Variants in NR6A1 observed in about 807,000 individuals in gnomAD.
The protein encoded by NR6A1 is retinoic acid receptor-related testis-associated receptor.
NR6A1 carries 7 observed loss-of-function variants against 59.1 expected under a neutral mutation model. The observed-to-expected ratio is 0.12, with a 90% CI of 0.07 to 0.22. The LOEUF (loss-of-function observed/expected upper bound fraction) is 0.22. Ranked by LOEUF, NR6A1 falls within the 10% of genes least tolerant of loss-of-function variation. The probability of loss-of-function intolerance (pLI) is 1.00; values close to 1 mark genes in which losing one functional copy is unlikely to be tolerated. For missense variants in NR6A1, 468 were observed against 611.6 expected, an observed-to-expected ratio of 0.77 and a Z score of 2.48; for synonymous variants, 243 against 236.1, an observed-to-expected ratio of 1.03 and a Z score of -0.27.
At chr9:124,648,636 T>C (rs1275353078) in intron 2 of NR6A1, among the ~76,000 whole-genome samples, 1 of 151,762 alleles carries the variant, frequency 6.6e-6, no homozygotes. Context: ...GCAGCCAAAC[T>C]GTAAAAGAAG....
chr9:124,520,658 A>G lies in NR6A1; in HGVS notation c.*2047T>C, dbSNP rs1442494701. The G allele has an allele frequency of 1.3e-5, 2 of 152,260 alleles. No homozygotes were observed. The highest frequency in any genetic ancestry group is 2.9e-5 in the Non-Finnish European group (2 of 68,046). The allele number at this position is 152,260 out of a possible 1,614,324, so 9.4% of individuals were successfully genotyped here. A position where few individuals can be genotyped will look rare whatever the true frequency, so the allele number is the denominator to read the frequency against. On this transcript the variant is annotated 3_prime_UTR_variant, in exon 10 of 10. Transcript: ENST00000487099. ...CTGTCTTAGAGAAGGCATCTGTGATATGTGTCTCCTTCCCGATCTGGAGGA... is the reference window on the plus strand; with the variant it reads ...CTGTCTTAGAGAAGGCATCTGTGATGTGTGTCTCCTTCCCGATCTGGAGGA...
At chr9:124,757,825 C>T (rs1053629676) in intron 1 of NR6A1, among the ~76,000 whole-genome samples, 1 of 152,190 alleles carries the variant, frequency 6.6e-6, no homozygotes, top group Non-Finnish European at 1.5e-5. Context: ...TTTGAAACAT[C>T]GGGTATTCTC....
intron 2 of NR6A1, among the ~76,000 whole-genome samples, chr9:124,626,442 T>C (rs145801975): frequency 6.6e-6 from 1 of 152,358 alleles, no homozygotes; most frequent in African/African-American, 2.4e-5. Context: ...CTCATACATC[T>C]AGGATCTAGT....
chr9:124,531,216 C>T (rs1413965529), intron 7 of NR6A1, among the ~76,000 whole-genome samples: 2 of 152,204 alleles, frequency 1.3e-5, no homozygotes, highest in Middle Eastern at 3.2e-3. Context: ...TAGAGGTACC[C>T]ATTAAAGCCC....
At chr9:124,700,754 C>CTTTTTTT (rs35704226) in intron 2 of NR6A1, among the ~76,000 whole-genome samples, 5 of 91,288 alleles carry the variant, frequency 5.5e-5, no homozygotes, top group South Asian at 3.4e-4. Context: ...TTTACATAGC[C>CTTTTTTT]TTTTTTTTTT....
At chr9:124,639,216 T>C (rs1023088983) in intron 2 of NR6A1, among the ~76,000 whole-genome samples, 2 of 152,190 alleles carry the variant, frequency 1.3e-5, no homozygotes, top group Non-Finnish European at 2.9e-5. Context: ...GTGGTGGAGC[T>C]AAGGATTTAA....
intron 2 of NR6A1, among the ~76,000 whole-genome samples, chr9:124,728,637 A>AAATAAATAAATAAATAAAT (rs1839796684): frequency 6.9e-6 from 1 of 144,840 alleles, no homozygotes; most frequent in African/African-American, 2.6e-5. Context: ...TCCGCCTCAA[A>AAATAAATAAATAAATAAAT]AAATAAATAA....
intron 1 of NR6A1, among the ~76,000 whole-genome samples, chr9:124,735,550 G>C (rs934407033): frequency 6.6e-6 from 1 of 152,190 alleles, no homozygotes; most frequent in African/African-American, 2.4e-5. Flanking sequence ...GAAATCTTAA[G>C]TCTAGTCTGA....
chr9:124,601,394 C>T lies in NR6A1; in HGVS notation c.143-46824G>A, dbSNP rs191030465. 3.4e-3 allele frequency among the ~76,000 whole-genome samples: 517 copies of T among 151,406 alleles called. 6 individuals are homozygous for T. The highest frequency in any genetic ancestry group is 4.8e-3 in the Non-Finnish European group (326 of 67,858). Reference sequence around the variant, plus strand: ...GGTCAGGAGATCGAGACCATCCTGGCGAACACAGTGAAACCCCATCTCTAC... The same window carrying T: ...GGTCAGGAGATCGAGACCATCCTGGTGAACACAGTGAAACCCCATCTCTAC... On this transcript the variant is annotated intron_variant, in intron 2 of 9. Transcript: ENST00000487099.
intron 2 of NR6A1, among the ~76,000 whole-genome samples, chr9:124,631,296 T>C (rs1836434737): frequency 6.6e-6 from 1 of 152,202 alleles, no homozygotes; most frequent in Admixed American, 6.5e-5. Context: ...CTCCCTGAAT[T>C]ACATAGAATA....
intron 2 of NR6A1, among the ~76,000 whole-genome samples, chr9:124,704,965 G>T (rs1347503476): frequency 6.6e-6 from 1 of 152,142 alleles, no homozygotes; most frequent in Non-Finnish European, 1.5e-5. Flanking sequence ...AGAACTCCTG[G>T]GTTCAAGTGA....
chr9:124,730,974 G>A (rs1389007429), intron 2 of NR6A1, among the ~76,000 whole-genome samples: 4 of 152,160 alleles, frequency 2.6e-5, no homozygotes, highest in Admixed American at 6.5e-5. Context: ...AACACTCAGT[G>A]CTTAACAAAC....
At chr9:124,620,029 C>T (rs1264425225) in intron 2 of NR6A1, among the ~76,000 whole-genome samples, 1 of 152,080 alleles carries the variant, frequency 6.6e-6, no homozygotes, top group Non-Finnish European at 1.5e-5. Context: ...CCATTGCACT[C>T]CAGCCTGGGC....
Position 124,663,383 on chromosome 9 carries a change from AAGAAACATG to A in NR6A1, c.142+69916_142+69924del, listed in dbSNP as rs546755382. Among the ~76,000 whole-genome samples the A allele has an allele frequency of 3.9e-4, 59 of 152,326 alleles. No individual in the cohort carries two copies. The East Asian group carries it at 0.011, about 28-fold the overall frequency. ...AGCCTATCTTATGCCTGCTTGGTGC[AAGAAACATG>A]AGTCTTAGGGTCAAGTGAACAGGGG... is the stretch of plus-strand genomic sequence containing the variant. On this transcript the variant is annotated intron_variant, in intron 2 of 9. Coordinates refer to ENST00000487099, the MANE Select transcript of NR6A1 (RefSeq NM_033334.4).
At chr9:124,661,767 T>C (rs1258283948) in intron 2 of NR6A1, among the ~76,000 whole-genome samples, 2 of 152,232 alleles carry the variant, frequency 1.3e-5, no homozygotes, top group East Asian at 3.8e-4. Context: ...ACTAGCTCTA[T>C]GTGGCTATTT....
At chr9:124,588,990 T>C (rs954427604) in intron 2 of NR6A1, among the ~76,000 whole-genome samples, 1 of 149,576 alleles carries the variant, frequency 6.7e-6, no homozygotes, top group Non-Finnish European at 1.5e-5. Context: ...AACTGGTTCA[T>C]GGTTCAAACA....
chr9:124,587,206 GGTT>G (rs1307620066), intron 2 of NR6A1, among the ~76,000 whole-genome samples: 1 of 152,020 alleles, frequency 6.6e-6, no homozygotes, highest in African/African-American at 2.4e-5. Context: ...AGGTATGTAG[GGTT>G]TTTTTCTGAC....
chr9:124,688,368 T>G (rs190856165), intron 2 of NR6A1, among the ~76,000 whole-genome samples: 1 of 152,238 alleles, frequency 6.6e-6, no homozygotes, highest in Non-Finnish European at 1.5e-5. Context: ...GTGGTCTCTC[T>G]CTCAGAATAT....
intron 2 of NR6A1, among the ~76,000 whole-genome samples, chr9:124,682,269 T>A (rs1036059791): frequency 5.3e-5 from 8 of 152,166 alleles, no homozygotes; most frequent in African/African-American, 1.9e-4. Flanking sequence ...CCCAGAGTGC[T>A]GGGAATACAG....
Sources: gnomAD v4.1 joint callset for allele counts (sites outside exome capture counted in the v4.1 genomes callset) on GRCh38, gnomAD v4.1.1 for gene constraint, MANE v1.5 for transcripts, NCBI Gene and HGNC (gene_info 2026-07-23, HGNC 2026-07-21) for gene names.